The following MACROD2 variants were observed in gnomAD, a reference collection of about 807,000 sequenced individuals.
MACROD2 encodes the protein ADP-ribose glycohydrolase MACROD2.
A neutral mutation model predicts 70.4 loss-of-function variants in MACROD2; 36 were observed. The ratio of observed to expected loss-of-function variants is 0.51; its 90% CI spans 0.39 to 0.68. The LOEUF (loss-of-function observed/expected upper bound fraction) is 0.68, where lower values mean the gene tolerates loss of function less well. Ranked by LOEUF, MACROD2 falls within the 30% of genes least tolerant of loss-of-function variation. MACROD2 has a pLI of 0.00. For missense variants in MACROD2, 496 were observed against 538.4 expected (o/e 0.92, Z 0.78); for synonymous variants, 172 against 178.8 (o/e 0.96, Z 0.30).
intron 4 of MACROD2, among the ~76,000 whole-genome samples, chr20:14,496,597 A>C (rs1338535157): frequency 1.3e-5 from 2 of 152,164 alleles, no homozygotes; most frequent in East Asian, 3.9e-4. Context: ...CTTTCTATGA[A>C]TGTATTGCCA....
intron 4 of MACROD2, among the ~76,000 whole-genome samples, chr20:14,569,901 A>G (rs925875330): frequency 1.8e-4 from 27 of 152,168 alleles, no homozygotes; most frequent in African/African-American, 6.5e-4. Flanking sequence ...AGTGTAAAGC[A>G]TGGGAGGAAC....
chr20:14,597,753 T>C (rs1197451858), intron 4 of MACROD2, among the ~76,000 whole-genome samples: 3 of 152,070 alleles, frequency 2.0e-5, no homozygotes, highest in Non-Finnish European at 4.4e-5. Flanking sequence ...TTTGGTAAAG[T>C]CTCCTAATAT....
rs538898041 is a variant in MACROD2 at position 15,140,103 on chromosome 20, T to C, written c.419-89837T>C. On this transcript the variant is annotated intron_variant, in intron 5 of 17. Coordinates refer to ENST00000684519, the MANE Select transcript of MACROD2 (RefSeq NM_001351661.2). ...ACCGCAAACTCACGTTTGCAAGAAA[T>C]GTAGCTGTAATTTTCTGTAGATTTT... is the stretch of plus-strand genomic sequence containing the variant. Among the ~76,000 whole-genome samples, 24 of 152,254 alleles carry C rather than the reference T, an allele frequency of 1.6e-4. No homozygotes were observed. In the South Asian group the frequency reaches 5.0e-3, roughly 32 times the overall value.
intron 3 of MACROD2, among the ~76,000 whole-genome samples, chr20:14,428,117 G>A (rs906331435): frequency 6.6e-5 from 10 of 152,024 alleles, no homozygotes; most frequent in African/African-American, 2.2e-4. Flanking sequence ...ATATTAAATA[G>A]CCATTTTGTA....
chr20:14,064,112 AT>A (rs2053725549), intron 2 of MACROD2, among the ~76,000 whole-genome samples: 1 of 152,142 alleles, frequency 6.6e-6, no homozygotes, highest in Non-Finnish European at 1.5e-5. Flanking sequence ...TTTCACTGTG[AT>A]ATTTGAAACT....
intron 8 of MACROD2, among the ~76,000 whole-genome samples, chr20:15,647,881 G>A (rs189763344): frequency 3.7e-4 from 56 of 152,100 alleles, no homozygotes; most frequent in Non-Finnish European, 7.8e-4. Flanking sequence ...CACCGCATCG[G>A]CTAATTTTTG....
intron 3 of MACROD2, among the ~76,000 whole-genome samples, chr20:14,151,922 T>C (rs2055029093): frequency 6.9e-6 from 1 of 145,824 alleles, no homozygotes; most frequent in African/African-American, 2.5e-5. Flanking sequence ...CCCGGGTTCA[T>C]GCCATTCTCC....
intron 3 of MACROD2, among the ~76,000 whole-genome samples, chr20:14,421,513 A>G (rs2122895369): frequency 6.6e-6 from 1 of 152,256 alleles, no homozygotes; most frequent in South Asian, 2.1e-4. Context: ...ACAAATGTTC[A>G]TAGTATTCTA....
intron 5 of MACROD2, among the ~76,000 whole-genome samples, chr20:14,862,731 G>C (rs1419211247): frequency 8.8e-6 from 1 of 113,132 alleles, no homozygotes; most frequent in African/African-American, 3.5e-5. Context: ...TTTTAATAGA[G>C]AGGATGAAGA....
intron 8 of MACROD2, among the ~76,000 whole-genome samples, chr20:15,633,809 G>T (rs2049326125): frequency 6.6e-6 from 1 of 152,072 alleles, no homozygotes; most frequent in Admixed American, 6.6e-5. Context: ...TTAGATGTTT[G>T]TCTACATACA....
intron 3 of MACROD2, among the ~76,000 whole-genome samples, chr20:14,186,415 A>C (rs989411218): frequency 6.6e-6 from 1 of 152,202 alleles, no homozygotes; most frequent in Non-Finnish European, 1.5e-5. Flanking sequence ...ATACCATCTC[A>C]CACCAGTCAG....
At chr20:15,324,655 T>C (rs1298165848) in intron 6 of MACROD2, among the ~76,000 whole-genome samples, 1 of 152,170 alleles carries the variant, frequency 6.6e-6, no homozygotes, top group Non-Finnish European at 1.5e-5. Context: ...CTGACCTTAA[T>C]CAGGGCATTA....
At chr20:14,341,557 T>G (rs112142314) in intron 3 of MACROD2, among the ~76,000 whole-genome samples, 1 of 152,200 alleles carries the variant, frequency 6.6e-6, no homozygotes, top group Non-Finnish European at 1.5e-5. Context: ...GAGAACCACT[T>G]GAACCCAGGA....
At chr20:14,106,610 G>A (rs976419463) in intron 3 of MACROD2, among the ~76,000 whole-genome samples, 2 of 152,102 alleles carry the variant, frequency 1.3e-5, no homozygotes, top group Admixed American at 6.5e-5. Flanking sequence ...TGGTTACAGT[G>A]GGCCTTGGGC....
intron 12 of MACROD2, among the ~76,000 whole-genome samples, chr20:15,948,382 C>CAAAAAAAAAAAAAA (rs71192307): frequency 9.3e-5 from 4 of 43,122 alleles, no homozygotes; most frequent in Non-Finnish European, 1.4e-4. Flanking sequence ...CTTGCAACTG[C>CAAAAAAAAAAAAAA]AAAAAAAAAA....
intron 8 of MACROD2, among the ~76,000 whole-genome samples, chr20:15,707,487 A>C (rs1227102137): frequency 6.6e-6 from 1 of 152,212 alleles, no homozygotes; most frequent in African/African-American, 2.4e-5. Flanking sequence ...GAAAGATATC[A>C]AAACATGTTT....
At chr20:14,190,533 G>A (rs1053365054) in intron 3 of MACROD2, among the ~76,000 whole-genome samples, 4 of 150,622 alleles carry the variant, frequency 2.7e-5, no homozygotes, top group Non-Finnish European at 4.4e-5. Context: ...CTTTTGGTAA[G>A]GAGACAAATT....
At chr20:15,530,076 A>C (rs2047776100) in intron 8 of MACROD2, among the ~76,000 whole-genome samples, 1 of 152,340 alleles carries the variant, frequency 6.6e-6, no homozygotes, top group Admixed American at 6.5e-5. Flanking sequence ...ACTGATAATA[A>C]ACCTGATTTA....
intron 5 of MACROD2, among the ~76,000 whole-genome samples, chr20:15,221,015 T>C (rs1380267012): frequency 4.6e-5 from 7 of 152,182 alleles, no homozygotes; most frequent in Admixed American, 1.3e-4. Context: ...AACCTCAGCA[T>C]CAGCCTGCGT....
Sources: gnomAD v4.1 joint callset for allele counts (sites outside exome capture counted in the v4.1 genomes callset) on GRCh38, gnomAD v4.1.1 for gene constraint, MANE v1.5 for transcripts, NCBI Gene and HGNC (gene_info 2026-07-23, HGNC 2026-07-21) for gene names.